Variants in GALNT17 observed in about 807,000 individuals in gnomAD.
GALNT17 encodes UDP-GalNAc:polypeptide N-acetylgalactosaminyltransferase-like 3.
GALNT17 carries 29 observed loss-of-function variants against 63.7 expected under a neutral mutation model. That is an observed-to-expected ratio of 0.46 (90% CI 0.34 to 0.62). The LOEUF is 0.62. GALNT17 is among the 20% of genes least tolerant of loss of function. The probability of loss-of-function intolerance (pLI) is 0.01; values close to 1 mark genes in which losing one functional copy is unlikely to be tolerated. For synonymous variants in GALNT17, 305 were observed against 318.3 expected (o/e 0.96, Z 0.45); for missense variants, 603 against 799.6 (o/e 0.75, Z 2.97).
chr7:71,140,561 CT>C (rs1189074489), intron 1 of GALNT17, among the ~76,000 whole-genome samples: 1 of 152,204 alleles, frequency 6.6e-6, no homozygotes, highest in Non-Finnish European at 1.5e-5. Flanking sequence ...CCCAACCCCC[CT>C]GACCTTTGCT....
chr7:71,295,517 T>TCTCTCTCCCTTCCTTC (rs1449587906), intron 1 of GALNT17, among the ~76,000 whole-genome samples: 1 of 151,768 alleles, frequency 6.6e-6, no homozygotes, highest in Non-Finnish European at 1.5e-5. Context: ...TTTCTTCCTT[T>TCTCTCTCCCTTCCTTC]CTCTCTCCCT....
chr7:71,134,844 T>G (rs960308563), intron 1 of GALNT17, among the ~76,000 whole-genome samples: 10 of 81,852 alleles, frequency 1.2e-4, no homozygotes, highest in African/African-American at 1.3e-4. Context: ...GGTTTTTTTT[T>G]TTTTTTTTTT....
In GALNT17 at chr7:71,339,539, AAG is replaced by A. The variant is rs1156762197; in HGVS notation, c.422+3808_422+3809del. On this transcript the variant is annotated intron_variant, in intron 2 of 10. Transcript: ENST00000333538. ...CTGTCTGTACTAAAATATACAAAAA[AAG>A]AAGCGGGGCATGGTGGTGCACGCCT... Among the ~76,000 whole-genome samples, 95 of 152,224 alleles carry A rather than the reference AAG, an allele frequency of 6.2e-4. 1 individual carries two copies. Among genetic ancestry groups the A allele is most frequent in the African/African-American group, 2.1e-3 (89 of 41,544 alleles).
intron 4 of GALNT17, 106 bp downstream of exon 4, chr7:71,416,169 G>A (rs538040913): frequency 3.8e-6 from 5 of 1,309,244 alleles, no homozygotes; most frequent in Admixed American, 5.2e-5. Context: ...TAGTGGCACT[G>A]GGAGACTAGA....
chr7:71,175,337 T>C (rs749799600), intron 1 of GALNT17, among the ~76,000 whole-genome samples: 4 of 152,236 alleles, frequency 2.6e-5, no homozygotes, highest in Non-Finnish European at 5.9e-5. Context: ...CTATCATTTA[T>C]CTATTTGTCT....
chr7:71,541,646 T>A (rs1387674027), intron 5 of GALNT17, among the ~76,000 whole-genome samples: 1 of 152,138 alleles, frequency 6.6e-6, no homozygotes, highest in Non-Finnish European at 1.5e-5. Context: ...CGGCTTCACC[T>A]CATTTCCTTT....
chr7:71,614,107 A>G (rs959931807), intron 6 of GALNT17, among the ~76,000 whole-genome samples: 18 of 152,288 alleles, frequency 1.2e-4, no homozygotes, highest in Admixed American at 9.8e-4. Flanking sequence ...TCACCAACAA[A>G]GTTAGTATTT....
chr7:71,473,794 G>A (rs1787680683), intron 5 of GALNT17, among the ~76,000 whole-genome samples: 1 of 152,126 alleles, frequency 6.6e-6, no homozygotes, highest in Admixed American at 6.6e-5. Context: ...TTTATAATCT[G>A]TAAAATGGGG....
Position 71,196,601 on chromosome 7 carries a change from T to C in GALNT17, c.238+63561T>C, listed in dbSNP as rs1346332396. Among the ~76,000 whole-genome samples the C allele has an allele frequency of 2.6e-5, 4 of 151,950 alleles. No individual in the cohort carries two copies. In the South Asian group the frequency reaches 6.2e-4, roughly 24 times the overall value. On this transcript the variant is annotated intron_variant, in intron 1 of 10. Coordinates refer to ENST00000333538, the MANE Select transcript of GALNT17 (RefSeq NM_022479.3). ...AAAGCTTGGTTATGCTACTTGATAGTGTGTGGCTTTGAGACTGTTGCTTAA... is the reference window on the plus strand; with the variant it reads ...AAAGCTTGGTTATGCTACTTGATAGCGTGTGGCTTTGAGACTGTTGCTTAA...
intron 4 of GALNT17, among the ~76,000 whole-genome samples, chr7:71,420,090 G>A (rs1045147012): frequency 6.6e-6 from 1 of 152,126 alleles, no homozygotes; most frequent in African/African-American, 2.4e-5. Context: ...GCTTAGGAGA[G>A]CCATCTTCTC....
chr7:71,145,121 T>C (rs1787993697), intron 1 of GALNT17, among the ~76,000 whole-genome samples: 1 of 152,116 alleles, frequency 6.6e-6, no homozygotes, highest in Non-Finnish European at 1.5e-5. Flanking sequence ...ATTGTCAGGA[T>C]GTGGAAACTG....
intron 5 of GALNT17, among the ~76,000 whole-genome samples, chr7:71,514,661 T>A (rs1788417697): frequency 6.6e-6 from 1 of 152,222 alleles, no homozygotes; most frequent in Non-Finnish European, 1.5e-5. Context: ...TGTGTTCTAA[T>A]CTTAATTCCT....
intron 6 of GALNT17, among the ~76,000 whole-genome samples, chr7:71,647,272 T>C (rs62461714): frequency 0.25 from 37,773 of 148,148 alleles, 6,102 homozygotes; most frequent in Middle Eastern, 0.36. Context: ...TTTCACCATG[T>C]TGGCCAGGCT....
intron 9 of GALNT17, among the ~76,000 whole-genome samples, chr7:71,703,649 G>A (rs959536373): frequency 4.6e-5 from 7 of 152,222 alleles, no homozygotes; most frequent in Non-Finnish European, 1.0e-4. Flanking sequence ...AACAATGGCA[G>A]AAGTTAGGTT....
intron 1 of GALNT17, among the ~76,000 whole-genome samples, chr7:71,228,588 C>T (rs776790277): frequency 3.9e-5 from 6 of 152,216 alleles, no homozygotes; most frequent in Non-Finnish European, 7.3e-5. Flanking sequence ...TTCCTTGTCT[C>T]TTGCAGGTTC....
intron 9 of GALNT17, among the ~76,000 whole-genome samples, chr7:71,693,403 A>G (rs1791492240): frequency 1.3e-5 from 2 of 151,172 alleles, no homozygotes; most frequent in African/African-American, 4.9e-5. Flanking sequence ...TTTGATTTGC[A>G]TGTCCCTTCA....
intron 9 of GALNT17, among the ~76,000 whole-genome samples, chr7:71,680,948 G>T (rs1435250125): frequency 6.6e-6 from 1 of 151,068 alleles, no homozygotes; most frequent in Non-Finnish European, 1.5e-5. Flanking sequence ...TACCCAGGCT[G>T]GAGTGCAATG....
At chr7:71,277,862 C>G (rs577053146) in intron 1 of GALNT17, among the ~76,000 whole-genome samples, 5 of 152,178 alleles carry the variant, frequency 3.3e-5, no homozygotes, top group Non-Finnish European at 5.9e-5. Flanking sequence ...TGGGCGGTCA[C>G]CCGTGAAGAA....
chr7:71,672,709 G>A (rs1031674398), intron 8 of GALNT17, among the ~76,000 whole-genome samples: 1 of 152,002 alleles, frequency 6.6e-6, no homozygotes, highest in Non-Finnish European at 1.5e-5. Flanking sequence ...ACGCCACCAC[G>A]CCCAGCTAAT....
Sources: gnomAD v4.1 joint callset for allele counts (sites outside exome capture counted in the v4.1 genomes callset) on GRCh38, gnomAD v4.1.1 for gene constraint, MANE v1.5 for transcripts, NCBI Gene and HGNC (gene_info 2026-07-23, HGNC 2026-07-21) for gene names.